Variants in NEO1 observed in about 807,000 individuals in gnomAD.
NEO1 encodes neogenin.
NEO1 carries 63 observed loss-of-function variants against 159.7 expected under a neutral mutation model. That is an observed-to-expected ratio of 0.39 (90% CI 0.32 to 0.49). The LOEUF (loss-of-function observed/expected upper bound fraction) is 0.49. Among genes scored for constraint, NEO1 ranks in the 20% least tolerant of loss-of-function variants. The probability of loss-of-function intolerance (pLI) is 0.85; values close to 1 mark genes in which losing one functional copy is unlikely to be tolerated. For missense variants in NEO1, 1,615 were observed against 1,831.0 expected, an observed-to-expected ratio of 0.88 and a Z score of 2.15; for synonymous variants, 633 against 662.0, an observed-to-expected ratio of 0.96 and a Z score of 0.67.
chr15:73,171,617 A>ATTATTC (rs1204116399), intron 5 of NEO1, among the ~76,000 whole-genome samples: 1 of 117,150 alleles, frequency 8.5e-6, no homozygotes, highest in Non-Finnish European at 1.8e-5. Flanking sequence ...AGAAACTATT[A>ATTATTC]TTATTATTAT....
rs113407192 is a variant in NEO1 at position 73,089,636 on chromosome 15, A to G, written c.131-26904A>G. ...TTTTTTGCTCCTTAACTTGGTCAAC[A>G]TTTAAAGGCTTCCCAGTGTTGACAA... is the stretch of plus-strand genomic sequence containing the variant. On this transcript the variant is annotated intron_variant, in intron 1 of 28. Transcript: ENST00000261908. Among the ~76,000 whole-genome samples, 77 of 151,950 alleles carry G rather than the reference A, an allele frequency of 5.1e-4. 3 individuals are homozygous for G. Among genetic ancestry groups the G allele is most frequent in the African/African-American group, 1.8e-3 (73 of 41,432 alleles).
intron 13 of NEO1, chr15:73,255,340 A>G (rs994830088): frequency 1.3e-5 from 2 of 152,494 alleles, no homozygotes; most frequent in Non-Finnish European, 2.9e-5. Context: ...CCTTCTATAT[A>G]GTTTTCCCTT....
chr15:73,054,801 G>A (rs1193413153), intron 1 of NEO1, among the ~76,000 whole-genome samples: 2 of 152,302 alleles, frequency 1.3e-5, no homozygotes, highest in Non-Finnish European at 2.9e-5. Flanking sequence ...ATAAAACTGC[G>A]GAAGAGATCA....
At chr15:73,294,755 G>T (rs1367223971) in intron 26 of NEO1, among the ~76,000 whole-genome samples, 1 of 151,980 alleles carries the variant, frequency 6.6e-6, no homozygotes, top group Non-Finnish European at 1.5e-5. Flanking sequence ...GGCCAGGCTG[G>T]TCTCAAACTC....
In NEO1 at chr15:73,298,620, G is replaced by A. The variant is rs928815483; in HGVS notation, c.4165+9G>A. 6.2e-7 allele frequency: 1 copy of A among 1,613,922 alleles called. No individual in the cohort carries two copies. The highest frequency in any genetic ancestry group is 8.5e-7 in the Non-Finnish European group (1 of 1,179,934). The stretch of plus-strand genomic sequence containing the variant: ...ATTACTGTCCCAGCAAGGTGAGTGA[G>A]GATGGCAGCACACCTGGAGGGAGCA... On this transcript the variant is annotated intron_variant, in intron 27 of 28. Coordinates refer to ENST00000261908, the MANE Select transcript of NEO1 (RefSeq NM_002499.4).
chr15:73,175,891 T>C (rs1006076924), intron 5 of NEO1, among the ~76,000 whole-genome samples: 1 of 152,208 alleles, frequency 6.6e-6, no homozygotes, highest in Admixed American at 6.5e-5. Context: ...TGTAAAACCA[T>C]TGCATATAAT....
At chr15:73,054,361 G>C (rs2067604012) in intron 1 of NEO1, among the ~76,000 whole-genome samples, 1 of 152,226 alleles carries the variant, frequency 6.6e-6, no homozygotes, top group Non-Finnish European at 1.5e-5. Context: ...GTCTCAGGAA[G>C]TGGTCTTAAC....
At chr15:73,286,044 A>C (rs1187632884) in intron 23 of NEO1, among the ~76,000 whole-genome samples, 1 of 151,804 alleles carries the variant, frequency 6.6e-6, no homozygotes, top group Non-Finnish European at 1.5e-5. Context: ...CTTCCAGCTT[A>C]AGGAATAATT....
chr15:73,201,925 TTTGA>T (rs1412100464), intron 7 of NEO1, among the ~76,000 whole-genome samples: 1 of 151,922 alleles, frequency 6.6e-6, no homozygotes, highest in African/African-American at 2.4e-5. Flanking sequence ...CCATCTTTCT[TTTGA>T]TTAATTATAG....
At chr15:73,200,379 A>G (rs1297744158) in intron 7 of NEO1, among the ~76,000 whole-genome samples, 3 of 151,852 alleles carry the variant, frequency 2.0e-5, no homozygotes, top group Non-Finnish European at 2.9e-5. Context: ...TTAGGAGTTT[A>G]AGACCAGCCT....
chr15:73,064,900 A>G (rs968967844), intron 1 of NEO1, among the ~76,000 whole-genome samples: 1 of 151,934 alleles, frequency 6.6e-6, no homozygotes, highest in Non-Finnish European at 1.5e-5. Context: ...TAAACCTCCC[A>G]TTTTATTATT....
Position 73,301,368 on chromosome 15 carries a change from C to T in NEO1, c.4213C>T (p.Leu1405=), listed in dbSNP as rs769108664. Residue 1405 remains leucine (L), a synonymous_variant, in exon 28 of 29, where the codon CTA becomes TTA. Transcript: ENST00000261908. ...HSVKTASIGT[L]GRSRPPMPVV... The stretch of plus-strand genomic sequence containing the variant: ...AGTGAAGACAGCCTCCATCGGGACT[C>T]TAGGAAGGAGCCGGCCTCCTATGCC... The T allele has an allele frequency of 3.1e-6, 5 of 1,614,052 alleles. No individual in the cohort carries two copies. Among genetic ancestry groups the T allele is most frequent in the Non-Finnish European group, 4.2e-6 (5 of 1,180,022 alleles).
intron 1 of NEO1, among the ~76,000 whole-genome samples, chr15:73,091,576 T>TGTTC (rs975597982): frequency 3.3e-5 from 5 of 152,076 alleles, no homozygotes; most frequent in Admixed American, 3.3e-4. Flanking sequence ...TTTGTTTGTT[T>TGTTC]TTCTGAGACA....
At chr15:73,169,672 G>A (rs2034823159) in intron 5 of NEO1, among the ~76,000 whole-genome samples, 1 of 130,366 alleles carries the variant, frequency 7.7e-6, no homozygotes, top group African/African-American at 2.7e-5. Flanking sequence ...TTTGGAAGAG[G>A]CTTTTGCTGT....
chr15:73,117,184 ATC>A (rs759071727), intron 2 of NEO1, among the ~76,000 whole-genome samples: 1 of 152,190 alleles, frequency 6.6e-6, no homozygotes, highest in Non-Finnish European at 1.5e-5. Context: ...GCCAACTTCT[ATC>A]TTACCCAGCA....
intron 5 of NEO1, among the ~76,000 whole-genome samples, chr15:73,141,062 G>A (rs991180297): frequency 2.0e-5 from 3 of 152,102 alleles, no homozygotes; most frequent in African/African-American, 7.2e-5. Flanking sequence ...GTTCATGTGT[G>A]CCACATGAGA....
chr15:73,071,937 T>G (rs1402534993), intron 1 of NEO1, among the ~76,000 whole-genome samples: 1 of 150,622 alleles, frequency 6.6e-6, no homozygotes, highest in Non-Finnish European at 1.5e-5. Context: ...TTTAATTTAA[T>G]TTTGTTTGTT....
At chr15:73,177,169 ATACTT>A (rs751729644) in intron 6 of NEO1, among the ~76,000 whole-genome samples, 82 of 152,274 alleles carry the variant, frequency 5.4e-4, no homozygotes, top group Non-Finnish European at 1.1e-3. Flanking sequence ...GCTTTTTACT[ATACTT>A]TATATATAGT....
At chr15:73,196,910 G>C (rs916301563) in intron 7 of NEO1, among the ~76,000 whole-genome samples, 2 of 152,136 alleles carry the variant, frequency 1.3e-5, no homozygotes, top group African/African-American at 4.8e-5. Context: ...GATCTCATGC[G>C]TGGTCAGTTT....
Sources: allele counts gnomAD v4.1 joint callset (sites outside exome capture counted in the v4.1 genomes callset), GRCh38; gene constraint gnomAD v4.1.1; transcripts MANE v1.5; gene names NCBI Gene and HGNC (gene_info 2026-07-23, HGNC 2026-07-21).